NAV3: variants seen among roughly 807,000 people sequenced by gnomAD.
NAV3 encodes the protein pore membrane and/or filament interacting like protein 1.
NAV3 carries 87 observed loss-of-function variants against 244.7 expected under a neutral mutation model. The observed-to-expected ratio is 0.36, with a 90% confidence interval of 0.30 to 0.42. The LOEUF (loss-of-function observed/expected upper bound fraction) is 0.42. Ranked by LOEUF, NAV3 falls within the 20% of genes least tolerant of loss-of-function variation. The pLI is 1.00. For missense variants in NAV3, 2,663 were observed against 2,893.3 expected (o/e 0.92, Z 1.83); for synonymous variants, 1,126 against 1,042.2 (o/e 1.08, Z -1.55).
At chr12:78,199,068 G>T in intron 36 of NAV3, 1 of 584,502 alleles carries the variant, frequency 1.7e-6, no homozygotes, top group Non-Finnish European at 3.2e-6. Context: ...TCCTACAGAA[G>T]AGTGATCAGC....
At chr12:78,045,305 T>C (rs1257513984) in intron 9 of NAV3, among the ~76,000 whole-genome samples, 1 of 152,154 alleles carries the variant, frequency 6.6e-6, no homozygotes, top group Non-Finnish European at 1.5e-5. Flanking sequence ...GATAAGCTTT[T>C]TTTTTGTTGA....
At chr12:78,147,612 GAA>G (rs35483763) in intron 21 of NAV3, among the ~76,000 whole-genome samples, 2,524 of 141,602 alleles carry the variant, frequency 0.018, 31 homozygotes, top group Non-Finnish European at 0.025. Context: ...ATCTGTTCCG[GAA>G]AAAAAAAAAA....
At chr12:77,647,863 T>G (rs1298888612) in intron 2 of NAV3, among the ~76,000 whole-genome samples, 1 of 152,072 alleles carries the variant, frequency 6.6e-6, no homozygotes, top group Non-Finnish European at 1.5e-5. Flanking sequence ...CTATAACATA[T>G]AAAATAAAAA....
chr12:77,996,598 G>C (rs1210866344), intron 6 of NAV3, among the ~76,000 whole-genome samples: 1 of 151,812 alleles, frequency 6.6e-6, no homozygotes. Context: ...TATAATGACT[G>C]TTACTATTAT....
intron 1 of NAV3, among the ~76,000 whole-genome samples, chr12:77,904,505 G>A (rs1202402386): frequency 6.6e-6 from 1 of 152,174 alleles, no homozygotes; most frequent in Non-Finnish European, 1.5e-5. Context: ...GGGGTTGGTG[G>A]AGGGGGAGAG....
At chr12:77,622,318 C>T (rs139258952) in intron 2 of NAV3, among the ~76,000 whole-genome samples, 5,431 of 152,056 alleles carry the variant, frequency 0.036, 183 homozygotes, top group African/African-American at 0.084. Flanking sequence ...CGCCACCACA[C>T]CCGGATAATT....
chr12:78,006,146 T>G (rs1046779424), intron 7 of NAV3, among the ~76,000 whole-genome samples: 1 of 152,134 alleles, frequency 6.6e-6, no homozygotes, highest in Non-Finnish European at 1.5e-5. Context: ...TATCTGTGAC[T>G]AGCAAATTTA....
At chr12:77,833,050 G>T (rs946268368) in intron 1 of NAV3, among the ~76,000 whole-genome samples, 3 of 152,142 alleles carry the variant, frequency 2.0e-5, no homozygotes, top group Admixed American at 2.0e-4. Flanking sequence ...GATCCTTTAA[G>T]CTTTATCCCA....
intron 1 of NAV3, among the ~76,000 whole-genome samples, chr12:77,857,449 A>G (rs1006542938): frequency 3.3e-5 from 5 of 152,002 alleles, no homozygotes; most frequent in African/African-American, 1.2e-4. Context: ...TAAATTATTA[A>G]AAAAATCTCA....
At chr12:78,163,301 C>G (rs1345716723) in intron 23 of NAV3, among the ~76,000 whole-genome samples, 1 of 151,968 alleles carries the variant, frequency 6.6e-6, no homozygotes, top group South Asian at 2.1e-4. Flanking sequence ...TTCCAGATGC[C>G]AAATAACACG....
chr12:77,650,422 T>C (rs1236121513), intron 2 of NAV3, among the ~76,000 whole-genome samples: 5 of 152,150 alleles, frequency 3.3e-5, no homozygotes, highest in Non-Finnish European at 7.4e-5. Flanking sequence ...AAATCTCTGA[T>C]TGCCACTTCT....
intron 1 of NAV3, among the ~76,000 whole-genome samples, chr12:77,910,341 T>G (rs1886457455): frequency 6.6e-6 from 1 of 151,862 alleles, no homozygotes; most frequent in Non-Finnish European, 1.5e-5. Flanking sequence ...TCAGACTGTT[T>G]AAACAACCAA....
intron 12 of NAV3, among the ~76,000 whole-genome samples, chr12:78,107,024 C>T (rs1165654844): frequency 1.3e-5 from 2 of 152,166 alleles, no homozygotes; most frequent in African/African-American, 4.8e-5. Flanking sequence ...AGTACCCTAT[C>T]CAAACAACAT....
intron 12 of NAV3, among the ~76,000 whole-genome samples, chr12:78,090,517 G>A (rs1010286595): frequency 6.6e-6 from 1 of 152,000 alleles, no homozygotes; most frequent in African/African-American, 2.4e-5. Context: ...TTAATGTAAA[G>A]TATATGATGA....
intron 1 of NAV3, among the ~76,000 whole-genome samples, chr12:77,931,493 A>T (rs563964519): frequency 1.2e-4 from 18 of 151,816 alleles, no homozygotes; most frequent in Admixed American, 3.9e-4. Context: ...CTATTTTGGT[A>T]TCTCCATTTT....
intron 22 of NAV3, among the ~76,000 whole-genome samples, chr12:78,153,695 T>C (rs1957163832): frequency 6.6e-6 from 1 of 152,094 alleles, no homozygotes; most frequent in African/African-American, 2.4e-5. Flanking sequence ...ACTGAATGAA[T>C]GTGTAAGAAA....
intron 2 of NAV3, among the ~76,000 whole-genome samples, chr12:77,649,123 CAG>C (rs1488656006): frequency 6.6e-6 from 1 of 152,098 alleles, no homozygotes; most frequent in Non-Finnish European, 1.5e-5. Flanking sequence ...AACAGCTTTA[CAG>C]AGAGACCACA....
At chr12:78,104,201 C>T (rs556332503) in intron 12 of NAV3, among the ~76,000 whole-genome samples, 2 of 152,166 alleles carry the variant, frequency 1.3e-5, no homozygotes, top group Non-Finnish European at 2.9e-5. Flanking sequence ...AACAAAATAT[C>T]TGTTTTACAT....
chr12:78,027,343 G>T (rs1566032782), intron 9 of NAV3, among the ~76,000 whole-genome samples: 2 of 151,774 alleles, frequency 1.3e-5, no homozygotes, highest in Admixed American at 1.3e-4. Flanking sequence ...TACTCAGGAG[G>T]CTGAAGAGAG....
Sources: gnomAD v4.1 joint callset for allele counts (sites outside exome capture counted in the v4.1 genomes callset) on GRCh38, gnomAD v4.1.1 for gene constraint, MANE v1.5 for transcripts, NCBI Gene and HGNC (gene_info 2026-07-23, HGNC 2026-07-21) for gene names.